CHRM3: variants seen among roughly 807,000 people sequenced by gnomAD.
CHRM3 encodes muscarinic acetylcholine receptor M3.
Under a neutral mutation model 41.8 loss-of-function variants are expected in CHRM3, and 11 were observed. The observed-to-expected ratio is 0.26, with a 90% CI of 0.17 to 0.44. CHRM3 has a LOEUF of 0.44. Among genes scored for constraint, CHRM3 ranks in the 20% least tolerant of loss-of-function variants. The probability of loss-of-function intolerance (pLI) is 1.00; values close to 1 mark genes in which losing one functional copy is unlikely to be tolerated. For synonymous variants in CHRM3, 297 were observed against 301.4 expected, an observed-to-expected ratio of 0.99 and a Z score of 0.15; for missense variants, 571 against 745.4, an observed-to-expected ratio of 0.77 and a Z score of 2.72.
At chr1:239,495,933 C>T (rs947951347) in intron 2 of CHRM3, among the ~76,000 whole-genome samples, 17 of 152,008 alleles carry the variant, frequency 1.1e-4, no homozygotes, top group Non-Finnish European at 1.9e-4. Flanking sequence ...ACTAGAATTA[C>T]AGGGGCAAAG....
intron 6 of CHRM3, among the ~76,000 whole-genome samples, chr1:239,865,593 G>C (rs1572529775): frequency 6.6e-6 from 1 of 152,266 alleles, no homozygotes; most frequent in East Asian, 1.9e-4. Context: ...GGGAACACCA[G>C]AGCACATGGC....
intron 6 of CHRM3, among the ~76,000 whole-genome samples, chr1:239,895,000 C>T (rs139677256): frequency 3.3e-5 from 5 of 152,148 alleles, no homozygotes; most frequent in South Asian, 2.1e-4. Flanking sequence ...AAGATAAATT[C>T]GAGGGCAGCA....
intron 6 of CHRM3, among the ~76,000 whole-genome samples, chr1:239,877,802 C>A (rs12083100): frequency 0.068 from 10,237 of 151,532 alleles, 1,061 homozygotes; most frequent in African/African-American, 0.22. Flanking sequence ...GTTTTGTGGA[C>A]GACAATTTTT....
intron 5 of CHRM3, among the ~76,000 whole-genome samples, chr1:239,691,031 CAAGGGAAGCA>C (rs1659665603): frequency 6.6e-6 from 1 of 151,856 alleles, no homozygotes; most frequent in African/African-American, 2.4e-5. Flanking sequence ...TAGGCTGGAC[CAAGGGAAGCA>C]AAGACCTTAT....
chr1:239,469,109 A>G (rs1217894226), intron 1 of CHRM3, among the ~76,000 whole-genome samples: 1 of 152,196 alleles, frequency 6.6e-6, no homozygotes, highest in Non-Finnish European at 1.5e-5. Context: ...ATTCATGTCT[A>G]TCCAACAAGG....
intron 2 of CHRM3, among the ~76,000 whole-genome samples, chr1:239,509,712 A>G (rs537280850): frequency 6.6e-6 from 1 of 152,356 alleles, no homozygotes; most frequent in South Asian, 2.1e-4. Flanking sequence ...TATTCAGTAC[A>G]TAAAATAATA....
chr1:239,888,955 TG>T (rs1172575890), intron 6 of CHRM3, among the ~76,000 whole-genome samples: 1 of 152,174 alleles, frequency 6.6e-6, no homozygotes. Context: ...ATCTCCATAG[TG>T]GGCTGGTAAT....
intron 6 of CHRM3, among the ~76,000 whole-genome samples, chr1:239,838,727 C>T (rs985466737): frequency 6.6e-5 from 10 of 152,122 alleles, no homozygotes; most frequent in African/African-American, 1.9e-4. Context: ...CAGGGTCCTC[C>T]GCACATAGTT....
chr1:239,874,850 G>A lies in CHRM3; in HGVS notation c.-19-32583G>A, dbSNP rs912897325. 1.1e-4 allele frequency among the ~76,000 whole-genome samples: 16 copies of A among 151,700 alleles called. No homozygotes were observed. The East Asian group carries it at 2.1e-3, about 20-fold the overall frequency. ...AGTGGCTGGGATGACAGGCATGCACGACCACGCCGGGCTAATTTTGTATTT... is the reference window on the plus strand; with the variant it reads ...AGTGGCTGGGATGACAGGCATGCACAACCACGCCGGGCTAATTTTGTATTT... On this transcript the variant is annotated intron_variant, in intron 6 of 6. Transcript: ENST00000676153.
At chr1:239,589,297 T>C (rs1272811093) in intron 3 of CHRM3, among the ~76,000 whole-genome samples, 2 of 151,896 alleles carry the variant, frequency 1.3e-5, no homozygotes, top group Non-Finnish European at 2.9e-5. Flanking sequence ...AATATACTGA[T>C]TACAATAAGG....
chr1:239,669,501 A>G (rs1290205714), intron 4 of CHRM3, among the ~76,000 whole-genome samples: 1 of 152,196 alleles, frequency 6.6e-6, no homozygotes, highest in Non-Finnish European at 1.5e-5. Flanking sequence ...ATTATTGTTT[A>G]ATATAAAGAA....
chr1:239,433,321 G>A (rs1662973875), intron 1 of CHRM3, among the ~76,000 whole-genome samples: 1 of 152,102 alleles, frequency 6.6e-6, no homozygotes, highest in Admixed American at 6.6e-5. Flanking sequence ...CTCCCATGGA[G>A]CCTAACTCCC....
chr1:239,687,969 C>T (rs1659310546), intron 5 of CHRM3, among the ~76,000 whole-genome samples: 1 of 152,004 alleles, frequency 6.6e-6, no homozygotes, highest in Admixed American at 6.6e-5. Flanking sequence ...CTAAGTGATG[C>T]ATGGATGTAT....
At chr1:239,791,951 T>C (rs188841739) in intron 5 of CHRM3, among the ~76,000 whole-genome samples, 5 of 152,324 alleles carry the variant, frequency 3.3e-5, no homozygotes, top group East Asian at 1.9e-4. Flanking sequence ...TTCAGTCTTA[T>C]CAATCCTGCT....
chr1:239,405,958 C>T (rs1263691784), intron 1 of CHRM3, among the ~76,000 whole-genome samples: 2 of 152,140 alleles, frequency 1.3e-5, no homozygotes, highest in African/African-American at 4.8e-5. Context: ...TCTCAGCTCA[C>T]TGCAATCACT....
chr1:239,544,710 C>T (rs980353424), intron 2 of CHRM3, among the ~76,000 whole-genome samples: 2 of 151,978 alleles, frequency 1.3e-5, no homozygotes, highest in Non-Finnish European at 2.9e-5. Flanking sequence ...TATTTCAAAG[C>T]GAGATCTCAC....
chr1:239,482,954 C>G (rs1666954804), intron 1 of CHRM3, among the ~76,000 whole-genome samples: 1 of 152,142 alleles, frequency 6.6e-6, no homozygotes, highest in Non-Finnish European at 1.5e-5. Flanking sequence ...TTTGCTCTCC[C>G]TCCTCCTGCA....
chr1:239,568,026 T>C (rs746583516), intron 3 of CHRM3, among the ~76,000 whole-genome samples: 1 of 152,108 alleles, frequency 6.6e-6, no homozygotes, highest in Non-Finnish European at 1.5e-5. Flanking sequence ...GTCAGACACT[T>C]CAGAGCCTGT....
intron 6 of CHRM3, among the ~76,000 whole-genome samples, chr1:239,866,302 G>A (rs1202709628): frequency 3.3e-5 from 5 of 152,020 alleles, no homozygotes; most frequent in East Asian, 1.9e-4. Flanking sequence ...GCGTGAACCC[G>A]GGAGGCGGAG....
Sources: gnomAD v4.1 joint callset for allele counts (sites outside exome capture counted in the v4.1 genomes callset) on GRCh38, gnomAD v4.1.1 for gene constraint, MANE v1.5 for transcripts, NCBI Gene and HGNC (gene_info 2026-07-23, HGNC 2026-07-21) for gene names.